KSR2: variants seen among roughly 807,000 people sequenced by gnomAD.
The protein encoded by KSR2 is kinase suppressor of ras 2.
KSR2 carries 25 observed loss-of-function variants against 107.8 expected under a neutral mutation model. The ratio of observed to expected loss-of-function variants is 0.23; its 90% CI spans 0.17 to 0.32. The LOEUF is 0.32. Among genes scored for constraint, KSR2 ranks in the 10% least tolerant of loss-of-function variants. The probability of loss-of-function intolerance (pLI) is 1.00; values close to 1 mark genes in which losing one functional copy is unlikely to be tolerated. For synonymous variants in KSR2, 480 were observed against 507.0 expected (o/e 0.95, Z 0.71); for missense variants, 887 against 1,268.9 (o/e 0.70, Z 4.57).
intron 5 of KSR2, among the ~76,000 whole-genome samples, chr12:117,590,048 C>T (rs1300451180): frequency 1.3e-5 from 2 of 152,184 alleles, no homozygotes; most frequent in African/African-American, 2.4e-5. Flanking sequence ...TAGGGGTGAG[C>T]AAGGATTCTT....
chr12:117,498,370 A>G (rs1430158609), intron 14 of KSR2, among the ~76,000 whole-genome samples: 4 of 152,030 alleles, frequency 2.6e-5, no homozygotes, highest in African/African-American at 4.8e-5. Flanking sequence ...CTGTTTGGGA[A>G]TTCCCAGCTG....
At chr12:117,586,007 G>A (rs10774936) in intron 5 of KSR2, among the ~76,000 whole-genome samples, 24,666 of 152,204 alleles carry the variant, frequency 0.16, 2,175 homozygotes, top group Non-Finnish European at 0.18. Context: ...CCCAGAAGGG[G>A]CTTTGCACAG....
chr12:117,491,117 A>G lies in KSR2; in HGVS notation c.2220-5426T>C, dbSNP rs1050570804. 3.8e-4 allele frequency among the ~76,000 whole-genome samples: 58 copies of G among 152,094 alleles called. 1 individual carries two copies. The stretch of plus-strand genomic sequence containing the variant: ...GCCTCTGGTAACCACCATTCTACTC[A>G]ATTTCTATGACTGACTTTTTTAGAT... On this transcript the variant is annotated intron_variant, in intron 14 of 19. Transcript: ENST00000339824.
rs1373031328 is a variant in KSR2, at chr12:117,466,851, G to A, written c.*348C>T. On this transcript the variant is annotated 3_prime_UTR_variant, in exon 20 of 20. Coordinates refer to ENST00000339824, the MANE Select transcript of KSR2 (RefSeq NM_173598.6). ...CACACACACACATAGCCCCGTCTGTGAGCCCCCCCACGTGGGGTCTCCTGT... is the reference window on the plus strand; with the variant it reads ...CACACACACACATAGCCCCGTCTGTAAGCCCCCCCACGTGGGGTCTCCTGT... 1 of 289,074 alleles carries A rather than the reference G, an allele frequency of 3.5e-6. No homozygotes were observed. The highest frequency in any genetic ancestry group is 5.6e-5 in the East Asian group (1 of 17,850). The allele number at this position is 289,074 out of a possible 1,614,324, so 17.9% of individuals were successfully genotyped here.
intron 14 of KSR2, among the ~76,000 whole-genome samples, chr12:117,513,448 TG>T (rs1874161951): frequency 6.6e-6 from 1 of 152,244 alleles, no homozygotes; most frequent in African/African-American, 2.4e-5. Context: ...AGCAAGTTTC[TG>T]AACAGTGCAG....
intron 1 of KSR2, among the ~76,000 whole-genome samples, chr12:117,950,265 C>T (rs954929723): frequency 6.6e-5 from 10 of 152,012 alleles, no homozygotes; most frequent in Admixed American, 2.0e-4. Context: ...TGAGCTACTG[C>T]GCCTGGCCTG....
intron 7 of KSR2, among the ~76,000 whole-genome samples, chr12:117,564,844 G>A (rs1223130614): frequency 1.3e-5 from 2 of 152,188 alleles, no homozygotes; most frequent in Non-Finnish European, 2.9e-5. Flanking sequence ...TGCAGATTTA[G>A]AAACATTCTA....
At chr12:117,655,792 A>G (rs963436804) in intron 5 of KSR2, among the ~76,000 whole-genome samples, 3 of 152,234 alleles carry the variant, frequency 2.0e-5, no homozygotes, top group Admixed American at 6.5e-5. Flanking sequence ...TGAATGACCC[A>G]GACTATCAAG....
At chr12:117,730,148 A>T (rs1887601491) in intron 4 of KSR2, among the ~76,000 whole-genome samples, 1 of 152,110 alleles carries the variant, frequency 6.6e-6, no homozygotes, top group East Asian at 1.9e-4. Flanking sequence ...ATAAAACTTT[A>T]TTTACAAAAA....
intron 12 of KSR2, 73 bp from the exon 13 acceptor site, chr12:117,527,192 G>A (rs139023603): frequency 0.014 from 14,896 of 1,102,806 alleles, 168 homozygotes; most frequent in African/African-American, 0.041. Context: ...AGCTATGTAC[G>A]AAGAATCCCC....
intron 1 of KSR2, among the ~76,000 whole-genome samples, chr12:117,885,743 G>A (rs115287036): frequency 0.015 from 2,274 of 151,888 alleles, 49 homozygotes; most frequent in African/African-American, 0.052. Flanking sequence ...CCTGCGGGGC[G>A]TAAAACCTAG....
intron 4 of KSR2, among the ~76,000 whole-genome samples, chr12:117,728,254 C>G (rs578011256): frequency 6.6e-6 from 1 of 152,298 alleles, no homozygotes; most frequent in Non-Finnish European, 1.5e-5. Flanking sequence ...AAAGGTAAAT[C>G]AGGAAGCATG....
intron 3 of KSR2, among the ~76,000 whole-genome samples, chr12:117,847,373 G>A (rs1160081546): frequency 6.6e-6 from 1 of 152,186 alleles, no homozygotes; most frequent in African/African-American, 2.4e-5. Flanking sequence ...TCTGCATCCT[G>A]TTTTTCTCCT....
At chr12:117,540,388 G>C (rs1052958741) in intron 9 of KSR2, among the ~76,000 whole-genome samples, 1 of 152,178 alleles carries the variant, frequency 6.6e-6, no homozygotes, top group Non-Finnish European at 1.5e-5. Context: ...AGGAGAGAGA[G>C]AGAATCCATG....
intron 1 of KSR2, among the ~76,000 whole-genome samples, chr12:117,872,500 G>C (rs1893683613): frequency 6.6e-6 from 1 of 151,796 alleles, no homozygotes; most frequent in South Asian, 2.1e-4. Context: ...GGAGTTCCAG[G>C]CTGCAGTGAG....
chr12:117,793,653 A>C (rs929982422), intron 3 of KSR2, among the ~76,000 whole-genome samples: 1 of 149,514 alleles, frequency 6.7e-6, no homozygotes. Context: ...CATATACACC[A>C]ATATGCACAC....
chr12:117,848,704 G>A (rs1317797683), intron 3 of KSR2, among the ~76,000 whole-genome samples: 2 of 147,542 alleles, frequency 1.4e-5, no homozygotes, highest in Non-Finnish European at 3.1e-5. Context: ...AGGAGAAGTG[G>A]AGAAAAGTGA....
chr12:117,766,081 G>A (rs1889214168), intron 3 of KSR2, among the ~76,000 whole-genome samples: 1 of 152,130 alleles, frequency 6.6e-6, no homozygotes, highest in Non-Finnish European at 1.5e-5. Flanking sequence ...TGAAAGCAAG[G>A]ACTGAAATAC....
chr12:117,768,414 C>A (rs922287228), intron 3 of KSR2, among the ~76,000 whole-genome samples: 12 of 152,144 alleles, frequency 7.9e-5, no homozygotes, highest in Non-Finnish European at 1.6e-4. Flanking sequence ...GTGCAAAGGA[C>A]AATGGTGAGT....
Sources: gnomAD v4.1 joint callset for allele counts (sites outside exome capture counted in the v4.1 genomes callset) on GRCh38, gnomAD v4.1.1 for gene constraint, MANE v1.5 for transcripts, NCBI Gene and HGNC (gene_info 2026-07-23, HGNC 2026-07-21) for gene names.